The following ANO3 variants were observed in gnomAD, a reference collection of about 807,000 sequenced individuals.
The protein encoded by ANO3 is anoctamin-3.
A neutral mutation model predicts 144.8 loss-of-function variants in ANO3; 99 were observed. The ratio of observed to expected loss-of-function variants is 0.68; its 90% CI spans 0.58 to 0.81. The LOEUF (loss-of-function observed/expected upper bound fraction) is 0.81, where lower values mean the gene tolerates loss of function less well. Among genes scored for constraint, ANO3 ranks in the 30% least tolerant of loss-of-function variants. The pLI is 0.00. For synonymous variants in ANO3, 414 were observed against 392.6 expected, an observed-to-expected ratio of 1.05 and a Z score of -0.64; for missense variants, 905 against 1,202.2, an observed-to-expected ratio of 0.75 and a Z score of 3.66.
chr11:26,316,181 T>C (rs1034109983), intron 1 of ANO3, among the ~76,000 whole-genome samples: 1 of 152,182 alleles, frequency 6.6e-6, no homozygotes, highest in East Asian at 1.9e-4. Context: ...CCCAGGCAGA[T>C]CTGCAGGTCG....
chr11:26,598,927 C>T lies in ANO3; in HGVS notation c.1600C>T (p.Pro534Ser). ...MEIVNPITGK[P>S]EPHQPSSDKV... Reference sequence around the variant, plus strand: ...GATTGTAAATCCCATCACGGGAAAACCTGAACCACATCAGCCTTCCTCAGA... The same window carrying T: ...GATTGTAAATCCCATCACGGGAAAATCTGAACCACATCAGCCTTCCTCAGA... The change falls in exon 16 of 27, where the codon CCT (proline) becomes TCT (serine). Residue 534 changes from proline (P) to serine (S), a missense_variant. By Grantham distance (74) the Pro-to-Ser change is moderately conservative (BLOSUM62 -1). This residue lies in a region of ANO3 where 597 missense variants were observed against 865.1 expected (regional missense o/e 0.69). Coordinates refer to ENST00000256737, the MANE Select transcript of ANO3 (RefSeq NM_031418.4). 6.2e-7 allele frequency: 1 copy of T among 1,613,946 alleles called. No individual in the cohort carries two copies.
chr11:26,319,144 C>CATTATTATTATT (rs376211456), intron 1 of ANO3, among the ~76,000 whole-genome samples: 64 of 150,932 alleles, frequency 4.2e-4, no homozygotes, highest in Admixed American at 1.5e-3. Context: ...TTCCAGATAA[C>CATTATTATTATT]ATTATTATTA....
rs147356023 is a variant in ANO3 at position 26,594,124 on chromosome 11, T to C, written c.1448-4241T>C. On this transcript the variant is annotated intron_variant, in intron 14 of 26. Coordinates refer to ENST00000256737, the MANE Select transcript of ANO3 (RefSeq NM_031418.4). ...CAGTAGGATTTTCTTCCTTTCCCTG[T>C]GTTATAGTGGACATCATTGAATAAT... Among the ~76,000 whole-genome samples, 992 of 152,288 alleles carry C rather than the reference T, an allele frequency of 6.5e-3. 8 individuals are homozygous for C. The highest frequency in any genetic ancestry group is 0.011 in the Non-Finnish European group (747 of 68,008).
intron 23 of ANO3, 86 bp downstream of exon 23, chr11:26,643,420 A>G (rs1853236326): frequency 3.8e-5 from 58 of 1,507,146 alleles, no homozygotes; most frequent in Non-Finnish European, 5.1e-5. Context: ...TCATATGTTG[A>G]AACTTAATTG....
intron 1 of ANO3, among the ~76,000 whole-genome samples, chr11:26,338,142 C>T (rs1176531885): frequency 2.0e-5 from 3 of 151,096 alleles, no homozygotes; most frequent in Non-Finnish European, 4.4e-5. Flanking sequence ...GCAAAAACAA[C>T]AGTAGAAGCT....
chr11:26,443,317 T>C (rs972171209), intron 2 of ANO3, among the ~76,000 whole-genome samples: 1 of 152,110 alleles, frequency 6.6e-6, no homozygotes, highest in Non-Finnish European at 1.5e-5. Context: ...AAGTGAAATT[T>C]TAGGCCAGGC....
At chr11:26,378,022 A>C (rs1856462135) in intron 1 of ANO3, among the ~76,000 whole-genome samples, 1 of 152,112 alleles carries the variant, frequency 6.6e-6, no homozygotes, top group Admixed American at 6.6e-5. Flanking sequence ...ATTATAAAAA[A>C]TAAAATTTGA....
At position 26,600,779 on chromosome 11, in the gene ANO3, G is replaced by A. The variant is rs572110020; in HGVS notation, c.1836+1065G>A. On this transcript the variant is annotated intron_variant, in intron 17 of 26. Coordinates refer to ENST00000256737, the MANE Select transcript of ANO3 (RefSeq NM_031418.4). ...GTCTGGCATGCTGTGGCATTGCTAC[G>A]CCTTTATTCTTTGACTCTCTCTATG... 2.6e-5 allele frequency among the ~76,000 whole-genome samples: 4 copies of A among 151,560 alleles called. No homozygotes were observed. The East Asian group carries it at 5.9e-4, about 22-fold the overall frequency.
At chr11:26,251,709 A>C (rs1331183478) in intron 1 of ANO3, among the ~76,000 whole-genome samples, 2 of 152,174 alleles carry the variant, frequency 1.3e-5, no homozygotes, top group African/African-American at 2.4e-5. Flanking sequence ...AGGCCTCAGG[A>C]AACTTACAAT....
At chr11:26,608,799 C>T (rs967465792) in intron 17 of ANO3, among the ~76,000 whole-genome samples, 2 of 152,126 alleles carry the variant, frequency 1.3e-5, no homozygotes, top group African/African-American at 2.4e-5. Flanking sequence ...CTCCCTGGCT[C>T]CAGCACGGGA....
intron 4 of ANO3, among the ~76,000 whole-genome samples, chr11:26,489,332 G>A (rs750160457): frequency 5.3e-5 from 8 of 152,192 alleles, no homozygotes; most frequent in East Asian, 1.9e-4. Context: ...GGGAACCTCC[G>A]CCTAGATGTT....
chr11:26,496,107 T>C (rs1860929177), intron 4 of ANO3, among the ~76,000 whole-genome samples: 1 of 152,226 alleles, frequency 6.6e-6, no homozygotes, highest in Non-Finnish European at 1.5e-5. Flanking sequence ...TTTTTTCCCA[T>C]TCTGTTTTGA....
rs188184761 is a variant in ANO3 at position 26,436,099 on chromosome 11, G to A, written c.47-5819G>A. Among the ~76,000 whole-genome samples the A allele has an allele frequency of 5.3e-5, 8 of 152,278 alleles. No individual in the cohort carries two copies. In the East Asian group the frequency reaches 1.6e-3, roughly 30 times the overall value. Reference sequence around the variant, plus strand: ...AGGTTGTGCTGAAGTCCCAGGTCAGGCAGTCCTGTTCAGTGAGGAGAAGCG... The same window carrying A: ...AGGTTGTGCTGAAGTCCCAGGTCAGACAGTCCTGTTCAGTGAGGAGAAGCG... On this transcript the variant is annotated intron_variant, in intron 1 of 26. Transcript: ENST00000256737.
intron 5 of ANO3, among the ~76,000 whole-genome samples, chr11:26,510,183 G>A (rs1861610241): frequency 6.7e-6 from 1 of 148,794 alleles, no homozygotes; most frequent in Non-Finnish European, 1.5e-5. Flanking sequence ...ATCCATTTAT[G>A]TTTATTAAAA....
chr11:26,365,020 T>G (rs1005583255), intron 1 of ANO3, among the ~76,000 whole-genome samples: 1 of 152,198 alleles, frequency 6.6e-6, no homozygotes, highest in African/African-American at 2.4e-5. Context: ...CAAAGGCAGG[T>G]TATTTACTTC....
intron 1 of ANO3, 36 bp downstream of exon 1, chr11:26,332,357 G>T (rs1308760936): frequency 6.2e-7 from 1 of 1,607,400 alleles, no homozygotes; most frequent in Non-Finnish European, 8.5e-7. Flanking sequence ...CCCTGCGGGC[G>T]TCACTTCCCC....
In ANO3 at chr11:26,643,326, C is replaced by A; in HGVS notation, c.2420C>A (p.Thr807Asn). 2 of 1,614,032 alleles carry A rather than the reference C, an allele frequency of 1.2e-6. No individual in the cohort carries two copies. The highest frequency in any genetic ancestry group is 2.2e-5 in the South Asian group (2 of 91,052). Residue 807 changes from threonine (T) to asparagine (N), a missense_variant, in exon 23 of 27, where the codon ACT (threonine) becomes AAT (asparagine). Physicochemically the swap from Thr to Asn is moderately conservative, Grantham distance 65 (BLOSUM62 0). Around this residue, in one of 4 missense-constraint regions of ANO3, gnomAD observed 597 missense variants for 865.1 expected, o/e 0.69. Transcript: ENST00000256737. ...QWRRPLPARA[T>N]DIGIWLGILE... is the part of the protein sequence containing the mutation. ...CGGAGGCCTTTGCCAGCCCGAGCAA[C>A]TGACATAGGTAAGATTCGGAAGTTA...
intron 1 of ANO3, among the ~76,000 whole-genome samples, chr11:26,414,601 C>T (rs369487691): frequency 2.0e-5 from 3 of 151,386 alleles, no homozygotes; most frequent in African/African-American, 7.3e-5. Flanking sequence ...GGGGTGGGGG[C>T]CAAGGGGAGG....
At chr11:26,302,516 G>A (rs1854259644) in intron 1 of ANO3, among the ~76,000 whole-genome samples, 1 of 151,676 alleles carries the variant, frequency 6.6e-6, no homozygotes, top group Non-Finnish European at 1.5e-5. Context: ...ATAATAAAAA[G>A]GAAAAATGAC....
Sources: gnomAD v4.1 joint callset for allele counts (sites outside exome capture counted in the v4.1 genomes callset) on GRCh38, gnomAD v4.1.1 for gene constraint, gnomAD v4.1.1 regional missense constraint, MANE v1.5 for transcripts, NCBI Gene and HGNC (gene_info 2026-07-23, HGNC 2026-07-21) for gene names.